NFIX: variants seen among roughly 807,000 people sequenced by gnomAD.
The protein encoded by NFIX is nuclear factor I X.
In NFIX, 2 loss-of-function variants were observed where a neutral mutation model predicts 53.3. The ratio of observed to expected loss-of-function variants is 0.04; its 90% CI spans 0.02 to 0.12. The LOEUF (loss-of-function observed/expected upper bound fraction) is 0.12. Among genes scored for constraint, NFIX ranks in the 10% least tolerant of loss-of-function variants. The pLI is 1.00. For synonymous variants in NFIX, 244 were observed against 289.0 expected, an observed-to-expected ratio of 0.84 and a Z score of 1.58; for missense variants, 310 against 674.5, an observed-to-expected ratio of 0.46 and a Z score of 5.99.
chr19:13,012,956 GA>G lies in NFIX; in HGVS notation c.28-12064del, dbSNP rs2012447865. Among the ~76,000 whole-genome samples the G allele has an allele frequency of 6.6e-6, 1 of 151,980 alleles. No individual in the cohort carries two copies. The highest frequency in any genetic ancestry group is 1.5e-5 in the Non-Finnish European group (1 of 67,990). ...TTTCCAGGGTTGGCTGGGTTTGGGG[GA>G]TTTTGTCCTCCAGCGAGCGCGGGGA... On this transcript the variant is annotated intron_variant, in intron 1 of 10. Transcript: ENST00000592199. The surrounding 1 kb of genome is among the most constrained non-coding windows in gnomAD (Gnocchi z 5.0).
rs895583555 is a variant in NFIX at position 13,060,625 on chromosome 19, C to CG, written c.560-12415dup. ...GTGTGACCCTTGGTGCCTGGCAAGG[C>CG]GGGGGGGTAGGGAGCAGCCCTCGCA... On this transcript the variant is annotated intron_variant, in intron 2 of 10. Transcript: ENST00000592199. The surrounding 1 kb of genome is among the most constrained non-coding windows in gnomAD (Gnocchi z 4.3). 1.5e-4 allele frequency among the ~76,000 whole-genome samples: 23 copies of CG among 152,210 alleles called. No individual in the cohort carries two copies. The highest frequency in any genetic ancestry group is 4.1e-4 in the South Asian group (2 of 4,830).
rs2011970295 is a variant in NFIX at position 13,005,620 on chromosome 19, C to T, written c.27+9756C>T. 6.6e-6 allele frequency among the ~76,000 whole-genome samples: 1 copy of T among 152,180 alleles called. No individual in the cohort carries two copies. The highest frequency in any genetic ancestry group is 2.1e-4 in the South Asian group (1 of 4,832). On this transcript the variant is annotated intron_variant, in intron 1 of 10. Coordinates refer to ENST00000592199, the MANE Select transcript of NFIX (RefSeq NM_001365902.3). The surrounding 1 kb of genome is among the most constrained non-coding windows in gnomAD (Gnocchi z 4.7). ...AAAACCAAGACTCAGTAGAGGTATC[C>T]AGTGCTAGGGTCAAGGGCGGGGAGC...
chr19:13,087,476 C>A (rs2017846256), intron 8 of NFIX, among the ~76,000 whole-genome samples: 1 of 152,090 alleles, frequency 6.6e-6, no homozygotes, highest in African/African-American at 2.4e-5. Flanking sequence ...CTGGTGGCCT[C>A]CTGAGGACAT....
intron 2 of NFIX, among the ~76,000 whole-genome samples, chr19:13,033,059 G>A (rs1451204591): frequency 6.6e-6 from 1 of 152,120 alleles, no homozygotes; most frequent in Admixed American, 6.5e-5. Flanking sequence ...TTGGCAGACG[G>A]GAGGAGGAGG....
intron 1 of NFIX, among the ~76,000 whole-genome samples, chr19:12,999,723 T>G (rs1188693813): frequency 6.6e-6 from 1 of 152,068 alleles, no homozygotes; most frequent in Non-Finnish European, 1.5e-5. Flanking sequence ...CCCCCAACAC[T>G]CCTTCCATGG....
In NFIX at chr19:13,093,496, C is replaced by T. The variant is rs1448400765; in HGVS notation, c.1495-1139C>T. On this transcript the variant is annotated intron_variant, in intron 10 of 10. Coordinates refer to ENST00000592199, the MANE Select transcript of NFIX (RefSeq NM_001365902.3). The surrounding 1 kb of genome is among the most constrained non-coding windows in gnomAD (Gnocchi z 4.7). Reference sequence around the variant, plus strand: ...ACCACAGACCCTGCTTCCTCGTGCTCGCAGCACAGGCAGCAGTTAGGAGCA... The same window carrying T: ...ACCACAGACCCTGCTTCCTCGTGCTTGCAGCACAGGCAGCAGTTAGGAGCA... 6.6e-6 allele frequency among the ~76,000 whole-genome samples: 1 copy of T among 152,204 alleles called. No individual in the cohort carries two copies. Among genetic ancestry groups the T allele is most frequent in the East Asian group, 1.9e-4 (1 of 5,186 alleles).
At chr19:13,080,404 G>T (rs2017387683) in intron 7 of NFIX, among the ~76,000 whole-genome samples, 2 of 152,118 alleles carry the variant, frequency 1.3e-5, no homozygotes, top group African/African-American at 4.8e-5. Context: ...TTAAATGTTT[G>T]TTGTAGAGAC....
chr19:13,041,793 CAAAAAAA>C (rs755429201), intron 2 of NFIX, among the ~76,000 whole-genome samples: 10,150 of 103,350 alleles, frequency 0.098, 959 homozygotes, highest in African/African-American at 0.26. Flanking sequence ...GACTCCGTCT[CAAAAAAA>C]AAAAAAAAAA....
At chr19:12,995,913 A>T in intron 1 of NFIX, 49 bp downstream of exon 1, 1 of 900,218 alleles carries the variant, frequency 1.1e-6, no homozygotes, top group Non-Finnish European at 1.3e-6. Context: ...CGGGCGCGGG[A>T]GGCCGGCCGG....
At position 13,089,951 on chromosome 19, in the gene NFIX, G is replaced by A. The variant is rs909103320; in HGVS notation, c.1403-348G>A. Among the ~76,000 whole-genome samples, 6 of 152,094 alleles carry A rather than the reference G, an allele frequency of 3.9e-5. No homozygotes were observed. The highest frequency in any genetic ancestry group is 1.2e-4 in the African/African-American group (5 of 41,426). ...CCTGCCCAGTGCCTCACTAGCGGGT[G>A]GAACTGGGTCCAGGAGACTTGTCTC... On this transcript the variant is annotated intron_variant, in intron 9 of 10. Coordinates refer to ENST00000592199, the MANE Select transcript of NFIX (RefSeq NM_001365902.3). The surrounding 1 kb of genome is among the most constrained non-coding windows in gnomAD (Gnocchi z 4.8).
chr19:13,058,454 G>A (rs2015853543), intron 2 of NFIX, among the ~76,000 whole-genome samples: 1 of 151,826 alleles, frequency 6.6e-6, no homozygotes. Flanking sequence ...TTCGAGACCA[G>A]CCTGGGCAAC....
intron 2 of NFIX, among the ~76,000 whole-genome samples, chr19:13,061,725 C>T (rs1395815268): frequency 6.6e-6 from 1 of 152,210 alleles, no homozygotes; most frequent in African/African-American, 2.4e-5. Context: ...TCACTTTGTT[C>T]CTTCAGCAGC....
chr19:13,000,151 C>T (rs900880305), intron 1 of NFIX, among the ~76,000 whole-genome samples: 1 of 152,138 alleles, frequency 6.6e-6, no homozygotes, highest in African/African-American at 2.4e-5. Context: ...GAAATGGGTT[C>T]GAGCTCCAGC....
In NFIX at chr19:13,096,803, G is replaced by C. The variant is rs2145550936; in HGVS notation, c.*2154G>C. The C allele has an allele frequency of 6.6e-6, 1 of 151,916 alleles. No homozygotes were observed. Among genetic ancestry groups the C allele is most frequent in the South Asian group, 2.1e-4 (1 of 4,830 alleles). 9.4% of individuals were successfully genotyped at this position (151,916 alleles called of 1,614,324 possible). On this transcript the variant is annotated 3_prime_UTR_variant, in exon 11 of 11. Transcript: ENST00000592199. ...GTCTGCGGGGCGCCTGCCCGGGCGA[G>C]GTCGGAAGCTGCAGGCCAGCTGGGC... is the stretch of plus-strand genomic sequence containing the variant.
At chr19:13,047,837 C>T (rs2015085512) in intron 2 of NFIX, among the ~76,000 whole-genome samples, 1 of 152,138 alleles carries the variant, frequency 6.6e-6, no homozygotes, top group African/African-American at 2.4e-5. Flanking sequence ...AAGACAGGCC[C>T]CTCTCTTTGT....
chr19:13,074,366 G>A (rs1400601054), intron 5 of NFIX, among the ~76,000 whole-genome samples: 1 of 152,194 alleles, frequency 6.6e-6, no homozygotes, highest in Non-Finnish European at 1.5e-5. Context: ...AATGTTCCAG[G>A]AGAAGAGGGT....
At chr19:13,091,087 A>G (rs771179489) in intron 10 of NFIX, among the ~76,000 whole-genome samples, 3 of 152,192 alleles carry the variant, frequency 2.0e-5, no homozygotes, top group Admixed American at 6.5e-5. Context: ...CACAGAGCCC[A>G]GTGCCCTTGG....
rs570945448 is a variant in NFIX, at chr19:13,011,143, C to A, written c.28-13878C>A. On this transcript the variant is annotated intron_variant, in intron 1 of 10. Transcript: ENST00000592199. The surrounding 1 kb of genome is among the most constrained non-coding windows in gnomAD (Gnocchi z 6.5). Reference sequence around the variant, plus strand: ...GGGGGAGGCGGGAGCAGCCCTCCCCCTCTCCACTGCGGACGGACATCCCAC... The same window carrying A: ...GGGGGAGGCGGGAGCAGCCCTCCCCATCTCCACTGCGGACGGACATCCCAC... Among the ~76,000 whole-genome samples the A allele has an allele frequency of 6.2e-4, 95 of 152,276 alleles. No individual in the cohort carries two copies. The highest frequency in any genetic ancestry group is 3.4e-3 in the Middle Eastern group (1 of 294).
intron 1 of NFIX, among the ~76,000 whole-genome samples, chr19:13,020,338 G>T (rs1301494053): frequency 6.6e-6 from 1 of 152,220 alleles, no homozygotes; most frequent in Admixed American, 6.5e-5. Context: ...AGTGAAGGGT[G>T]CTTGAAATGT....
Sources: gnomAD v4.1 joint callset for allele counts (sites outside exome capture counted in the v4.1 genomes callset) on GRCh38, gnomAD v4.1.1 for gene constraint, Gnocchi (gnomAD v3.1) non-coding constraint, MANE v1.5 for transcripts, NCBI Gene and HGNC (gene_info 2026-07-23, HGNC 2026-07-21) for gene names.